Variants in SNX29 observed in about 807,000 individuals in gnomAD.
SNX29 encodes the protein sorting nexin 29, also known as sorting nexin-29.
Under a neutral mutation model 102.1 loss-of-function variants are expected in SNX29, and 78 were observed. The observed-to-expected ratio is 0.76, with a 90% CI of 0.64 to 0.92. The LOEUF (loss-of-function observed/expected upper bound fraction) is 0.92. SNX29 is among the 40% of genes least tolerant of loss of function. SNX29 has a pLI of 0.00. For synonymous variants in SNX29, 580 were observed against 414.5 expected, an observed-to-expected ratio of 1.40 and a Z score of -4.85; for missense variants, 1,280 against 1,061.7, an observed-to-expected ratio of 1.21 and a Z score of -2.86.
intron 8 of SNX29, chr16:12,052,495 G>C: frequency 2.6e-6 from 1 of 386,614 alleles, no homozygotes; most frequent in Non-Finnish European, 4.9e-6. Context: ...AGGTTTACAG[G>C]CATGAGCCAC....
chr16:12,197,318 C>T (rs1355413523), intron 13 of SNX29, among the ~76,000 whole-genome samples: 1 of 152,046 alleles, frequency 6.6e-6, no homozygotes, highest in African/African-American at 2.4e-5. Flanking sequence ...ACCTGTAATC[C>T]CAGCACTTGG....
chr16:12,452,321 C>G (rs1202272649), intron 18 of SNX29, among the ~76,000 whole-genome samples: 1 of 152,272 alleles, frequency 6.6e-6, no homozygotes, highest in Non-Finnish European at 1.5e-5. Context: ...TGGGTGCAGG[C>G]TAGGGATGCA....
intron 20 of SNX29, among the ~76,000 whole-genome samples, chr16:12,563,699 AGAGGAACAT>A (rs1416121276): frequency 6.6e-6 from 1 of 152,180 alleles, no homozygotes; most frequent in Non-Finnish European, 1.5e-5. Context: ...GCCTCATGTA[AGAGGAACAT>A]GAGGAAAGCC....
intron 16 of SNX29, among the ~76,000 whole-genome samples, chr16:12,393,490 T>C (rs1597215078): frequency 2.0e-5 from 3 of 147,106 alleles, no homozygotes; most frequent in Admixed American, 2.0e-4. Context: ...CAGTGTGTCA[T>C]GGTGAACAGG....
intron 13 of SNX29, among the ~76,000 whole-genome samples, chr16:12,137,893 A>G (rs988621156): frequency 6.6e-6 from 1 of 152,104 alleles, no homozygotes; most frequent in African/African-American, 2.4e-5. Flanking sequence ...TTTCATTGCT[A>G]TCTCCCCAGT....
chr16:12,199,616 C>T lies in SNX29; in HGVS notation c.1611C>T (p.Leu537=). Residue 537 remains leucine (L), a synonymous_variant, in exon 14 of 21, where the codon CTC becomes CTT. Coordinates refer to ENST00000566228, the MANE Select transcript of SNX29 (RefSeq NM_032167.5). ...VQALARENEV[L]KVQLKKYVGA... ...GTACCTGCAGAGAGAACGAGGTGCT[C>T]AAAGTCCAACTGAAGAAATATGTAG... The T allele has an allele frequency of 1.9e-6, 3 of 1,612,832 alleles. No individual in the cohort carries two copies. The highest frequency in any genetic ancestry group is 2.5e-6 in the Non-Finnish European group (3 of 1,179,382).
chr16:12,083,703 AT>A (rs1293624229), intron 11 of SNX29, among the ~76,000 whole-genome samples: 1 of 152,182 alleles, frequency 6.6e-6, no homozygotes, highest in Non-Finnish European at 1.5e-5. Flanking sequence ...GGAGCATCCC[AT>A]TGCTGCATGT....
chr16:12,562,101 A>G (rs2078758276), intron 20 of SNX29, among the ~76,000 whole-genome samples: 1 of 152,166 alleles, frequency 6.6e-6, no homozygotes, highest in African/African-American at 2.4e-5. Context: ...CCGCATTTCT[A>G]AGGCCGTTCA....
chr16:12,387,107 A>C (rs1487428361), intron 16 of SNX29, among the ~76,000 whole-genome samples: 1 of 152,132 alleles, frequency 6.6e-6, no homozygotes, highest in East Asian at 1.9e-4. Flanking sequence ...CCTGGGCGAC[A>C]GAGTGAGACT....
At chr16:12,329,604 C>T (rs188152174) in intron 15 of SNX29, among the ~76,000 whole-genome samples, 29 of 152,294 alleles carry the variant, frequency 1.9e-4, no homozygotes, top group Non-Finnish European at 1.0e-4. Flanking sequence ...ATTTGTACCC[C>T]ACACAGCCCT....
At chr16:12,228,491 CCTTT>C (rs2077680468) in intron 14 of SNX29, among the ~76,000 whole-genome samples, 1 of 152,236 alleles carries the variant, frequency 6.6e-6, no homozygotes, top group Non-Finnish European at 1.5e-5. Context: ...CACTCTTACC[CCTTT>C]CTTTACAACA....
chr16:12,226,574 CTTT>C (rs33956641), intron 14 of SNX29, among the ~76,000 whole-genome samples: 2 of 133,240 alleles, frequency 1.5e-5, no homozygotes. Flanking sequence ...ACTGAGCCTT[CTTT>C]TTTTTTTTTT....
chr16:12,416,375 G>C (rs1312399595), intron 18 of SNX29, among the ~76,000 whole-genome samples: 1 of 152,154 alleles, frequency 6.6e-6, no homozygotes, highest in African/African-American at 2.4e-5. Flanking sequence ...GGGTGACTAT[G>C]GTTAACAATG....
intron 15 of SNX29, among the ~76,000 whole-genome samples, chr16:12,309,981 C>T (rs1196410660): frequency 6.6e-6 from 1 of 152,174 alleles, no homozygotes; most frequent in Non-Finnish European, 1.5e-5. Context: ...CAATCAGAAG[C>T]AGGATCACCA....
chr16:12,378,816 C>A (rs1485871244), intron 16 of SNX29, among the ~76,000 whole-genome samples: 1 of 152,186 alleles, frequency 6.6e-6, no homozygotes, highest in Non-Finnish European at 1.5e-5. Flanking sequence ...CCAGCCCAGT[C>A]CGTCTCCCCT....
intron 18 of SNX29, among the ~76,000 whole-genome samples, chr16:12,472,795 T>C (rs182214619): frequency 1.7e-4 from 26 of 152,284 alleles, no homozygotes; most frequent in Non-Finnish European, 2.9e-4. Flanking sequence ...TCCACTGTTA[T>C]TACAGACATC....
At chr16:12,169,152 G>A (rs1045320724) in intron 13 of SNX29, among the ~76,000 whole-genome samples, 4 of 152,194 alleles carry the variant, frequency 2.6e-5, no homozygotes, top group African/African-American at 7.2e-5. Flanking sequence ...CCACTGAATC[G>A]TATGCTTGAA....
At chr16:12,565,914 C>T (rs949606754) in intron 20 of SNX29, among the ~76,000 whole-genome samples, 4 of 152,038 alleles carry the variant, frequency 2.6e-5, no homozygotes, top group African/African-American at 9.7e-5. Context: ...CCACCGTGAT[C>T]CACCACAGCC....
chr16:12,144,795 C>T (rs929969222), intron 13 of SNX29, among the ~76,000 whole-genome samples: 1 of 152,220 alleles, frequency 6.6e-6, no homozygotes, highest in African/African-American at 2.4e-5. Flanking sequence ...GATCTCTGCT[C>T]GCTGGAAGCT....
Sources: allele counts gnomAD v4.1 joint callset (sites outside exome capture counted in the v4.1 genomes callset), GRCh38; gene constraint gnomAD v4.1.1; transcripts MANE v1.5; gene names NCBI Gene and HGNC (gene_info 2026-07-23, HGNC 2026-07-21).